Variants in USH2A observed in about 807,000 individuals in gnomAD.
USH2A encodes Usher syndrome 2A (autosomal recessive, mild).
Under a neutral mutation model 538.9 loss-of-function variants are expected in USH2A, and 443 were observed. The ratio of observed to expected loss-of-function variants is 0.82; its 90% CI spans 0.76 to 0.89. The LOEUF (loss-of-function observed/expected upper bound fraction) is 0.89, where lower values mean the gene tolerates loss of function less well. USH2A is among the 40% of genes least tolerant of loss of function. The pLI, the probability that USH2A is intolerant of heterozygous loss-of-function variation, is 0.00. For missense variants in USH2A, 6,633 were observed against 6,324.8 expected (o/e 1.05, Z -1.65); for synonymous variants, 2,413 against 2,273.5 (o/e 1.06, Z -1.75).
intron 67 of USH2A, among the ~76,000 whole-genome samples, chr1:215,646,056 T>C (rs1656843018): frequency 6.6e-6 from 1 of 152,176 alleles, no homozygotes; most frequent in Non-Finnish European, 1.5e-5. Context: ...AAGCTGACTA[T>C]GAAATTTTAG....
rs112240593 is a variant in USH2A, at chr1:216,135,472, T to C, written c.4628-38259A>G. ...ATCTATATATTCAATTTCACTCTTA[T>C]AGTGATTTCCAATCTCAATTACAAT... On this transcript the variant is annotated intron_variant, in intron 21 of 71. Transcript: ENST00000307340. Among the ~76,000 whole-genome samples, 660 of 152,240 alleles carry C rather than the reference T, an allele frequency of 4.3e-3. 1 individual carries two copies. Among genetic ancestry groups the C allele is most frequent in the African/African-American group, 0.015 (633 of 41,550 alleles).
At chr1:215,712,232 A>G (rs1659356678) in intron 61 of USH2A, among the ~76,000 whole-genome samples, 1 of 152,222 alleles carries the variant, frequency 6.6e-6, no homozygotes, top group Non-Finnish European at 1.5e-5. Context: ...ACTTTTAGGT[A>G]CACATTTAGA....
chr1:216,174,776 AG>A (rs1256677853), intron 21 of USH2A: 29 of 997,554 alleles, frequency 2.9e-5, no homozygotes, highest in Non-Finnish European at 3.3e-5. Flanking sequence ...AGCAAGAGAA[AG>A]AAAAAGAAAA....
intron 20 of USH2A, 69 bp downstream of exon 20, chr1:216,190,154 G>A (rs907438403): frequency 6.3e-7 from 1 of 1,589,414 alleles, no homozygotes; most frequent in Non-Finnish European, 8.6e-7. Flanking sequence ...AGTAGAGAAG[G>A]TGTTGAATAT....
At chr1:216,025,602 T>C (rs190526882) in intron 32 of USH2A, among the ~76,000 whole-genome samples, 36 of 152,222 alleles carry the variant, frequency 2.4e-4, no homozygotes, top group Non-Finnish European at 4.0e-4. Flanking sequence ...GAAATGTTTT[T>C]TCAGAGGAAG....
chr1:215,743,912 T>C (rs1246219402), intron 58 of USH2A, among the ~76,000 whole-genome samples: 3 of 152,152 alleles, frequency 2.0e-5, no homozygotes, highest in Admixed American at 6.6e-5. Flanking sequence ...AAATATTAGA[T>C]TGTGTATTCC....
At position 216,199,657 on chromosome 1, in the gene USH2A, C is replaced by T; in HGVS notation, c.3781G>A (p.Val1261Ile). 2 of 1,614,110 alleles carry T rather than the reference C, an allele frequency of 1.2e-6. No individual in the cohort carries two copies. Among genetic ancestry groups the T allele is most frequent in the Non-Finnish European group, 1.7e-6 (2 of 1,179,986 alleles). ...AGTTCCGCTGGTGGAGACCATTCTA[C>T]ATGAAGTTCTGTAGAACTGATTTTC... is the stretch of plus-strand genomic sequence containing the variant. ...MQKISSTELH[V>I]EWSPPAELNG... is the part of the protein sequence containing the mutation. Residue 1261 changes from valine (V) to isoleucine (I), a missense_variant, in exon 17 of 72, where the codon GTA becomes ATA. Coordinates refer to ENST00000307340, the MANE Select transcript of USH2A (RefSeq NM_206933.4).
chr1:216,160,270 T>C (rs2034030902), intron 21 of USH2A, among the ~76,000 whole-genome samples: 3 of 152,130 alleles, frequency 2.0e-5, no homozygotes, highest in African/African-American at 7.2e-5. Flanking sequence ...TTCTAATATA[T>C]GCATTTAAAG....
chr1:216,181,721 C>T (rs1316037079), intron 20 of USH2A, among the ~76,000 whole-genome samples: 1 of 152,024 alleles, frequency 6.6e-6, no homozygotes, highest in African/African-American at 2.4e-5. Flanking sequence ...ATTATGGCAT[C>T]CTTGCTACCC....
intron 58 of USH2A, among the ~76,000 whole-genome samples, chr1:215,756,931 CAAACAAACAAATAAAT>C (rs1558084663): frequency 1.3e-5 from 2 of 148,340 alleles, no homozygotes; most frequent in East Asian, 2.0e-4. Flanking sequence ...AACAAACAAA[CAAACAAACAAATAAAT>C]AAATAAATAA....
At chr1:216,377,714 AG>A (rs1166891123) in intron 3 of USH2A, among the ~76,000 whole-genome samples, 2 of 141,786 alleles carry the variant, frequency 1.4e-5, no homozygotes, top group African/African-American at 5.2e-5. Context: ...AGAGCAGGGG[AG>A]GGGGGAAGAG....
At chr1:216,336,825 A>G (rs2037983843) in intron 4 of USH2A, among the ~76,000 whole-genome samples, 1 of 151,558 alleles carries the variant, frequency 6.6e-6, no homozygotes, top group South Asian at 2.1e-4. Flanking sequence ...AATTACAGGA[A>G]AATTCTTTGT....
intron 40 of USH2A, among the ~76,000 whole-genome samples, chr1:215,898,517 T>C (rs762349517): frequency 8.5e-5 from 13 of 152,076 alleles, no homozygotes; most frequent in Non-Finnish European, 1.3e-4. Flanking sequence ...CAGTGAAAAT[T>C]GTGGGGAGAT....
chr1:216,009,808 G>GC (rs1416020987), intron 32 of USH2A, among the ~76,000 whole-genome samples: 3 of 152,066 alleles, frequency 2.0e-5, no homozygotes, highest in Non-Finnish European at 4.4e-5. Flanking sequence ...TCCATGACTA[G>GC]CCCTCCCCAA....
intron 34 of USH2A, among the ~76,000 whole-genome samples, chr1:215,997,297 A>T (rs953929539): frequency 1.3e-5 from 2 of 152,148 alleles, no homozygotes; most frequent in Non-Finnish European, 2.9e-5. Context: ...TCACATCTTT[A>T]TAACATCTTG....
At position 216,295,622 on chromosome 1, in the gene USH2A, C is replaced by A. The variant is rs189787946; in HGVS notation, c.1645-3252G>T. ...AGACAAGATTTATAATAAGTAAATA[C>A]CAGGATTTCTGAAAATCATTTTTCT... On this transcript the variant is annotated intron_variant, in intron 9 of 71. Coordinates refer to ENST00000307340, the MANE Select transcript of USH2A (RefSeq NM_206933.4). Among the ~76,000 whole-genome samples, 20 of 151,806 alleles carry A rather than the reference C, an allele frequency of 1.3e-4. No individual in the cohort carries two copies. In the East Asian group the frequency reaches 3.7e-3, roughly 28 times the overall value.
intron 26 of USH2A, among the ~76,000 whole-genome samples, chr1:216,083,029 A>C (rs1028642538): frequency 6.6e-6 from 1 of 152,050 alleles, no homozygotes; most frequent in Non-Finnish European, 1.5e-5. Flanking sequence ...TAGACCAAAA[A>C]TGATAATATT....
rs936944884 is a variant in USH2A, at chr1:216,292,630, C to T, written c.1645-260G>A. 2.0e-5 allele frequency among the ~76,000 whole-genome samples: 3 copies of T among 151,574 alleles called. 1 individual carries two copies. Among genetic ancestry groups the T allele is most frequent in the Admixed American group, 1.3e-4 (2 of 15,222 alleles). ...TCTTAATTTTTAATTTTTGTGGGTA[C>T]GTAGTAGGTGTATGTATTTATAGGC... On this transcript the variant is annotated intron_variant, in intron 9 of 71. Transcript: ENST00000307340.
At chr1:215,635,335 G>T (rs1265276920) in intron 69 of USH2A, among the ~76,000 whole-genome samples, 1 of 152,144 alleles carries the variant, frequency 6.6e-6, no homozygotes, top group Non-Finnish European at 1.5e-5. Flanking sequence ...CACTGGGAAA[G>T]CTTCCTATGG....
Sources: allele counts gnomAD v4.1 joint callset (sites outside exome capture counted in the v4.1 genomes callset), GRCh38; gene constraint gnomAD v4.1.1; transcripts MANE v1.5; gene names NCBI Gene and HGNC (gene_info 2026-07-23, HGNC 2026-07-21).